Variants in DNAI2 observed in about 807,000 individuals in gnomAD.
The protein encoded by DNAI2 is dynein, axonemal, intermediate polypeptide 2.
A neutral mutation model predicts 74.7 loss-of-function variants in DNAI2; 63 were observed. That is an observed-to-expected ratio of 0.84 (90% CI 0.69 to 1.04). The LOEUF is 1.04. Ranked by LOEUF, DNAI2 falls within the 50% of genes least tolerant of loss-of-function variation. DNAI2 has a pLI of 0.00. For synonymous variants in DNAI2, 289 were observed against 314.9 expected, an observed-to-expected ratio of 0.92 and a Z score of 0.87; for missense variants, 688 against 803.2, an observed-to-expected ratio of 0.86 and a Z score of 1.73.
chr17:74,311,719 G>A (rs1449395766), intron 11 of DNAI2, among the ~76,000 whole-genome samples: 3 of 152,214 alleles, frequency 2.0e-5, no homozygotes, highest in Admixed American at 2.0e-4. Flanking sequence ...TCCTTGTTGG[G>A]CCAAAGCCGC....
intron 6 of DNAI2, among the ~76,000 whole-genome samples, chr17:74,291,642 G>A (rs1185775794): frequency 6.6e-6 from 1 of 152,206 alleles, no homozygotes; most frequent in African/African-American, 2.4e-5. Context: ...ACTACTGTAA[G>A]TCTAAAATTA....
At chr17:74,281,767 G>C in intron 1 of DNAI2, 40 bp from the exon 2 acceptor site, 1 of 1,592,976 alleles carries the variant, frequency 6.3e-7, no homozygotes, top group African/African-American at 1.3e-5. Flanking sequence ...GGAAGGGGCC[G>C]GTGGGGTCCC....
intron 1 of DNAI2, among the ~76,000 whole-genome samples, chr17:74,276,688 G>A (rs1051784058): frequency 6.6e-6 from 1 of 152,116 alleles, no homozygotes; most frequent in African/African-American, 2.4e-5. Flanking sequence ...GTTCTCACTC[G>A]GGGCTTGGCC....
intron 4 of DNAI2, among the ~76,000 whole-genome samples, chr17:74,289,137 G>T (rs1290380107): frequency 6.6e-6 from 1 of 152,214 alleles, no homozygotes; most frequent in Non-Finnish European, 1.5e-5. Context: ...TGCAGGAGAG[G>T]GCATGGCGGG....
intron 2 of DNAI2, among the ~76,000 whole-genome samples, chr17:74,283,681 A>T (rs765144359): frequency 4.7e-4 from 71 of 151,984 alleles, no homozygotes; most frequent in Non-Finnish European, 1.0e-3. Context: ...AGGCGAGAGG[A>T]TCACTTCCGC....
At chr17:74,291,238 G>A (rs182509388) in intron 6 of DNAI2, 105 bp downstream of exon 6, 3 of 844,920 alleles carry the variant, frequency 3.6e-6, no homozygotes, top group East Asian at 2.7e-5. Context: ...TTGGCTCACT[G>A]CAACCTCCGC....
intron 12 of DNAI2, 96 bp downstream of exon 12, chr17:74,312,326 G>A: frequency 2.1e-6 from 2 of 962,546 alleles, no homozygotes; most frequent in South Asian, 1.5e-5. Context: ...GGGTGACCTT[G>A]AGCAAGTAGT....
chr17:74,312,529 G>T (rs1448377862), intron 12 of DNAI2, among the ~76,000 whole-genome samples: 1 of 152,130 alleles, frequency 6.6e-6, no homozygotes, highest in Admixed American at 6.5e-5. Flanking sequence ...CTGAACGAGG[G>T]AACATGTGTG....
At chr17:74,297,227 A>G (rs1567859456) in intron 6 of DNAI2, among the ~76,000 whole-genome samples, 1 of 149,664 alleles carries the variant, frequency 6.7e-6, no homozygotes. Flanking sequence ...CTGGGACTAC[A>G]GGTGCCCGCC....
intron 5 of DNAI2, among the ~76,000 whole-genome samples, chr17:74,290,231 G>A (rs918514416): frequency 2.0e-5 from 3 of 152,156 alleles, no homozygotes; most frequent in Admixed American, 1.3e-4. Flanking sequence ...CAGGAGAATC[G>A]CTTGAACCCA....
intron 5 of DNAI2, among the ~76,000 whole-genome samples, 198 bp from the exon 6 acceptor site, chr17:74,290,822 C>T (rs1226374039): frequency 6.6e-6 from 1 of 152,238 alleles, no homozygotes; most frequent in Admixed American, 6.5e-5. Flanking sequence ...AAACCATCAG[C>T]AAAGCCCCTA....
chr17:74,312,478 C>T (rs1374361436), intron 12 of DNAI2, among the ~76,000 whole-genome samples: 1 of 152,142 alleles, frequency 6.6e-6, no homozygotes, highest in Non-Finnish European at 1.5e-5. Context: ...ATCCTCCCCT[C>T]CCCCCAGAGA....
At chr17:74,302,177 T>C (rs1213228404) in intron 8 of DNAI2, among the ~76,000 whole-genome samples, 1 of 151,920 alleles carries the variant, frequency 6.6e-6, no homozygotes, top group East Asian at 1.9e-4. Flanking sequence ...ACACCTGTAA[T>C]CCCAGCACTT....
chr17:74,313,528 G>A (rs189192906), intron 12 of DNAI2, among the ~76,000 whole-genome samples: 197 of 152,190 alleles, frequency 1.3e-3, no homozygotes, highest in African/African-American at 4.4e-3. Flanking sequence ...CTTTTACAAC[G>A]CAATGGTGGC....
At chr17:74,292,899 G>C (rs1231016288) in intron 6 of DNAI2, among the ~76,000 whole-genome samples, 2 of 150,330 alleles carry the variant, frequency 1.3e-5, no homozygotes, top group Non-Finnish European at 3.0e-5. Context: ...GCGCGATCTT[G>C]GCCCACTGCA....
rs751426797 is a variant in DNAI2, at chr17:74,310,183, G to A, written c.1494+20G>A. ...TCTTCCGTAAGCACCGGGTGCCTGG[G>A]GAAAATCCCTCCAGCACGTCCCGAC... On this transcript the variant is annotated intron_variant, in intron 11 of 13. Transcript: ENST00000311014. 4.3e-6 allele frequency: 7 copies of A among 1,612,426 alleles called. No individual in the cohort carries two copies. Among genetic ancestry groups the A allele is most frequent in the Non-Finnish European group, 5.9e-6 (7 of 1,179,932 alleles).
intron 2 of DNAI2, 97 bp from the exon 3 acceptor site, chr17:74,284,943 A>G (rs2051619763): frequency 1.3e-6 from 2 of 1,534,470 alleles, no homozygotes; most frequent in East Asian, 4.5e-5. Context: ...CTCAGCATCC[A>G]GCCCTGGGAG....
At chr17:74,296,123 A>T (rs1364097611) in intron 6 of DNAI2, among the ~76,000 whole-genome samples, 1 of 152,140 alleles carries the variant, frequency 6.6e-6, no homozygotes, top group African/African-American at 2.4e-5. Context: ...ATCTTTTCAA[A>T]GCCCTGTGGA....
chr17:74,295,391 A>G (rs962717144), intron 6 of DNAI2, among the ~76,000 whole-genome samples: 2 of 152,110 alleles, frequency 1.3e-5, no homozygotes, highest in African/African-American at 4.8e-5. Flanking sequence ...AACAAAGCGA[A>G]ACTCTGTCTT....
Sources: gnomAD v4.1 joint callset for allele counts (sites outside exome capture counted in the v4.1 genomes callset) on GRCh38, gnomAD v4.1.1 for gene constraint, MANE v1.5 for transcripts, NCBI Gene and HGNC (gene_info 2026-07-23, HGNC 2026-07-21) for gene names.